RAD54L2: variants seen among roughly 807,000 people sequenced by gnomAD.
RAD54L2 encodes the protein RAD54 like 2.
RAD54L2 carries 27 observed loss-of-function variants against 138.4 expected under a neutral mutation model. The observed-to-expected ratio is 0.20, with a 90% CI of 0.14 to 0.27. The LOEUF (loss-of-function observed/expected upper bound fraction) is 0.27. RAD54L2 is among the 10% of genes least tolerant of loss of function. The pLI, the probability that RAD54L2 is intolerant of heterozygous loss-of-function variation, is 1.00. For synonymous variants in RAD54L2, 644 were observed against 723.2 expected (o/e 0.89, Z 1.76); for missense variants, 1,396 against 1,890.2 (o/e 0.74, Z 4.85).
chr3:51,655,982 T>A lies in RAD54L2; in HGVS notation c.3038T>A (p.Leu1013Ter). 1 of 1,601,376 alleles carries A rather than the reference T, an allele frequency of 6.2e-7. No homozygotes were observed. The highest frequency in any genetic ancestry group is 8.5e-7 in the Non-Finnish European group (1 of 1,171,244). The change falls in exon 20 of 23, where the codon TTG becomes TAG. Residue 1013 changes from leucine (L) to a stop codon, truncating the protein, a stop_gained. Coordinates refer to ENST00000684192, the MANE Select transcript of RAD54L2 (RefSeq NM_015106.4). LOFTEE classifies it high-confidence loss of function. ...AFSQRNWQPT[L>*]KGDEKPVASV... ...TCTTTCTCTTACAGGCAGCCAACTT[T>A]GAAGGGTGATGAAAAGCCTGTGGCC...
chr3:51,564,234 G>C (rs899137439), intron 2 of RAD54L2, among the ~76,000 whole-genome samples: 11 of 152,194 alleles, frequency 7.2e-5, no homozygotes, highest in African/African-American at 2.7e-4. Flanking sequence ...CAGGAAAACA[G>C]GGAGTGCTTC....
Position 51,664,708 on chromosome 3 carries a change from T to G in RAD54L2, c.*1288T>G, listed in dbSNP as rs1369911520. On this transcript the variant is annotated 3_prime_UTR_variant, in exon 23 of 23. Transcript: ENST00000684192. ...CCAAGGTTTGGATTAAACAACTATATTTTTGAGAGATGGCTTTTCAGGAAG... is the reference window on the plus strand; with the variant it reads ...CCAAGGTTTGGATTAAACAACTATAGTTTTGAGAGATGGCTTTTCAGGAAG... 3 of 152,188 alleles carry G rather than the reference T, an allele frequency of 2.0e-5. No homozygotes were observed. The highest frequency in any genetic ancestry group is 7.2e-5 in the African/African-American group (3 of 41,436). The allele number at this position is 152,188 out of a possible 1,614,324, so 9.4% of individuals were successfully genotyped here.
chr3:51,556,567 C>G (rs951729154), intron 2 of RAD54L2, among the ~76,000 whole-genome samples: 1 of 136,732 alleles, frequency 7.3e-6, no homozygotes, highest in African/African-American at 2.7e-5. Context: ...TGCTTTATCT[C>G]TCTTTTATCT....
rs1701867539 is a variant in RAD54L2 at position 51,664,307 on chromosome 3, C to G, written c.*887C>G. 6.6e-6 allele frequency: 1 copy of G among 152,206 alleles called. No individual in the cohort carries two copies. The allele number at this position is 152,206 out of a possible 1,614,324, so 9.4% of individuals were successfully genotyped here. Reference sequence around the variant, plus strand: ...GCTATCTCTGAGCAGCTCTCCCTTTCCAGCTTGGAAGGTTGTCTGTGTGCA... The same window carrying G: ...GCTATCTCTGAGCAGCTCTCCCTTTGCAGCTTGGAAGGTTGTCTGTGTGCA... On this transcript the variant is annotated 3_prime_UTR_variant, in exon 23 of 23. Coordinates refer to ENST00000684192, the MANE Select transcript of RAD54L2 (RefSeq NM_015106.4).
chr3:51,652,687 C>T (rs1222981665), intron 19 of RAD54L2, among the ~76,000 whole-genome samples: 2 of 152,130 alleles, frequency 1.3e-5, no homozygotes, highest in East Asian at 3.8e-4. Flanking sequence ...GAAAGGATTC[C>T]CTATTTAATA....
chr3:51,659,558 T>A (rs6765504), intron 21 of RAD54L2, among the ~76,000 whole-genome samples: 1,705 of 152,354 alleles, frequency 0.011, 42 homozygotes, highest in African/African-American at 0.038. Flanking sequence ...TCTTGAATTA[T>A]TCCTACTAGG....
intron 2 of RAD54L2, 74 bp from the exon 3 acceptor site, chr3:51,590,293 C>A (rs1699812029): frequency 8.7e-7 from 1 of 1,153,182 alleles, no homozygotes; most frequent in Non-Finnish European, 1.2e-6. Flanking sequence ...GCCCAGCTAG[C>A]ATTTTTTTCT....
At chr3:51,600,537 G>T (rs1057024304) in intron 3 of RAD54L2, among the ~76,000 whole-genome samples, 5 of 152,166 alleles carry the variant, frequency 3.3e-5, no homozygotes, top group African/African-American at 1.2e-4. Flanking sequence ...CATTGAGTCT[G>T]GGAGGTCAAG....
intron 4 of RAD54L2, 139 bp from the exon 5 acceptor site, chr3:51,629,195 G>C: frequency 1.2e-6 from 1 of 860,470 alleles, no homozygotes; most frequent in African/African-American, 1.7e-5. Context: ...TCCTTGCATG[G>C]GTATGGTGGG....
At chr3:51,586,029 A>G (rs1266336532) in intron 2 of RAD54L2, among the ~76,000 whole-genome samples, 1 of 151,772 alleles carries the variant, frequency 6.6e-6, no homozygotes, top group Non-Finnish European at 1.5e-5. Flanking sequence ...CCCCACCGCC[A>G]CCAACCATGT....
chr3:51,607,874 G>C (rs1454172752), intron 3 of RAD54L2, among the ~76,000 whole-genome samples: 4 of 148,292 alleles, frequency 2.7e-5, no homozygotes, highest in African/African-American at 5.0e-5. Flanking sequence ...ATGGGGCGGC[G>C]GCCGGGCGGG....
At chr3:51,579,466 A>C (rs999130005) in intron 2 of RAD54L2, among the ~76,000 whole-genome samples, 1 of 151,960 alleles carries the variant, frequency 6.6e-6, no homozygotes, top group East Asian at 1.9e-4. Context: ...TATCAGTTTT[A>C]TTATTACTTA....
chr3:51,543,573 A>C (rs1485019869), intron 2 of RAD54L2, among the ~76,000 whole-genome samples: 3 of 147,216 alleles, frequency 2.0e-5, no homozygotes, highest in Non-Finnish European at 4.4e-5. Context: ...GTGCTAGTGC[A>C]CTCCAGCCTA....
At chr3:51,626,423 G>C (rs915844516) in intron 3 of RAD54L2, among the ~76,000 whole-genome samples, 2 of 94,818 alleles carry the variant, frequency 2.1e-5, no homozygotes, top group Non-Finnish European at 4.1e-5. Flanking sequence ...ACATCCCCTG[G>C]ACCCCCAACG....
intron 12 of RAD54L2, chr3:51,639,124 T>C: frequency 2.5e-6 from 1 of 406,160 alleles, no homozygotes; most frequent in Non-Finnish European, 4.5e-6. Flanking sequence ...CTTACTCTTA[T>C]TTGAATAAGA....
chr3:51,656,912 A>G (rs955988607), intron 20 of RAD54L2, among the ~76,000 whole-genome samples: 23 of 151,812 alleles, frequency 1.5e-4, no homozygotes, highest in African/African-American at 5.6e-4. Context: ...ACTTTTTTGT[A>G]TTTTAATAGA....
chr3:51,642,464 G>GA (rs1466376126), intron 15 of RAD54L2, among the ~76,000 whole-genome samples: 3 of 150,248 alleles, frequency 2.0e-5, no homozygotes, highest in African/African-American at 7.3e-5. Context: ...GTGTCATTGG[G>GA]AAAAAAAAAG....
chr3:51,540,449 GAC>G (rs1185457071), intron 1 of RAD54L2, among the ~76,000 whole-genome samples: 1 of 152,230 alleles, frequency 6.6e-6, no homozygotes, highest in African/African-American at 2.4e-5. Flanking sequence ...ATCATTGAAA[GAC>G]AGTACGCAAA....
intron 2 of RAD54L2, among the ~76,000 whole-genome samples, chr3:51,565,321 G>T (rs1044200624): frequency 1.9e-4 from 29 of 152,120 alleles, no homozygotes; most frequent in Admixed American, 1.9e-3. Flanking sequence ...GCTTGAGCCT[G>T]GGAGGTAGAG....
Sources: allele counts gnomAD v4.1 joint callset (sites outside exome capture counted in the v4.1 genomes callset), GRCh38; gene constraint gnomAD v4.1.1; transcripts MANE v1.5; gene names NCBI Gene and HGNC (gene_info 2026-07-23, HGNC 2026-07-21).